The following TRMO variants were observed in gnomAD, a reference collection of about 807,000 sequenced individuals.
TRMO encodes the protein tRNA methyltransferase O, also known as tRNA (adenine(37)-N6)-methyltransferase.
Under a neutral mutation model 37.2 loss-of-function variants are expected in TRMO, and 30 were observed. That is an observed-to-expected ratio of 0.81 (90% CI 0.60 to 1.09). The LOEUF (loss-of-function observed/expected upper bound fraction) is 1.09, where lower values mean the gene tolerates loss of function less well. Ranked by LOEUF, TRMO falls within the 50% of genes least tolerant of loss-of-function variation. TRMO has a pLI of 0.00. For missense variants in TRMO, 552 were observed against 549.5 expected (o/e 1.00, Z -0.05); for synonymous variants, 239 against 199.4 (o/e 1.20, Z -1.67).
At chr9:97,901,365 A>T (rs941469708), downstream of TRMO, among the ~76,000 whole-genome samples, 2 of 152,266 alleles carry the variant, frequency 1.3e-5, no homozygotes, top group African/African-American at 4.8e-5. Context: ...TAAAGGACCA[A>T]GAATCAAGCA....
At chr9:97,898,858 T>TTTTTTTTTG in the TRMO span, among the ~76,000 whole-genome samples, 1 of 144,366 alleles carries the variant, frequency 6.9e-6, no homozygotes, top group Non-Finnish European at 1.5e-5. Context: ...TTTTTTTTTT[T>TTTTTTTTTG]AGATGGAGAC....
chr9:97,909,460 T>C (rs373992312), intron 4 of TRMO, among the ~76,000 whole-genome samples: 1 of 152,190 alleles, frequency 6.6e-6, no homozygotes, highest in African/African-American at 2.4e-5. Flanking sequence ...TGGGACTTTG[T>C]TGGGGCAAGT....
At chr9:97,903,555 T>C (rs1825732184), downstream of TRMO, among the ~76,000 whole-genome samples, 1 of 152,230 alleles carries the variant, frequency 6.6e-6, no homozygotes, top group African/African-American at 2.4e-5. Context: ...TCCTCAGTTA[T>C]CTGGGAGCAC....
At chr9:97,912,732 T>C (rs745653521) in intron 3 of TRMO, 92 of 367,020 alleles carry the variant, frequency 2.5e-4, no homozygotes, top group Non-Finnish European at 4.1e-4. Context: ...GAATGGTCTC[T>C]TGACTCCTAG....
chr9:97,913,442 T>C lies in TRMO; in HGVS notation c.368A>G (p.Asn123Ser), dbSNP rs141236958. The change falls in exon 3 of 5, where the codon AAT (asparagine) becomes AGT (serine). Residue 123 changes from asparagine (N) to serine (S), a missense_variant. Physicochemically the swap from Asn to Ser is conservative, Grantham distance 46. Coordinates refer to ENST00000375119, the MANE Select transcript of TRMO (RefSeq NM_016481.5). ...VFSTRSPHRP[N>S]AIGLTLAKLE... ...CTTGGCCAGGGTCAGTCCTATTGCA[T>C]TGGGACGATGAGGGCTCCTTGTGGA... 129 of 1,613,826 alleles carry C rather than the reference T, an allele frequency of 8.0e-5. No individual in the cohort carries two copies. Among genetic ancestry groups the C allele is most frequent in the African/African-American group, 4.4e-4 (33 of 75,010 alleles).
At chr9:97,916,091 C>T in intron 2 of TRMO, 73 bp downstream of exon 2, 1 of 1,157,356 alleles carries the variant, frequency 8.6e-7, no homozygotes, top group Non-Finnish European at 1.2e-6. Flanking sequence ...TCCAAGGTTG[C>T]CTTCAACTAG....
intron 3 of TRMO, 177 bp from the exon 4 acceptor site, chr9:97,910,793 C>T: frequency 2.9e-6 from 2 of 699,686 alleles, no homozygotes; most frequent in Non-Finnish European, 4.7e-6. Flanking sequence ...ATCCTCTTCT[C>T]TACCTATCAA....
chr9:97,915,963 C>T (rs1417010096), intron 2 of TRMO, among the ~76,000 whole-genome samples: 1 of 152,134 alleles, frequency 6.6e-6, no homozygotes, highest in Non-Finnish European at 1.5e-5. Flanking sequence ...ATACCTTGAG[C>T]TCGGGAGGCA....
chr9:97,909,523 G>A (rs1826011065), intron 4 of TRMO, among the ~76,000 whole-genome samples: 1 of 152,182 alleles, frequency 6.6e-6, no homozygotes, highest in South Asian at 2.1e-4. Context: ...AGTCCTCTGT[G>A]CCAGAGGCTG....
intron 1 of TRMO, among the ~76,000 whole-genome samples, chr9:97,919,451 A>AGG: frequency 1.3e-5 from 1 of 75,954 alleles, no homozygotes; most frequent in Non-Finnish European, 3.7e-5. Flanking sequence ...AAGAAAGGAA[A>AGG]GAAAAGAAAA....
intron 4 of TRMO, among the ~76,000 whole-genome samples, chr9:97,908,187 G>C (rs1051313349): frequency 1.3e-5 from 2 of 152,048 alleles, no homozygotes; most frequent in Non-Finnish European, 2.9e-5. Context: ...CCAAGGCGGG[G>C]GAATCACAAG....
downstream of TRMO, among the ~76,000 whole-genome samples, chr9:97,899,645 G>C (rs971052499): frequency 2.0e-5 from 3 of 152,100 alleles, no homozygotes; most frequent in African/African-American, 7.2e-5. Context: ...CAGCACTTTA[G>C]GAGGCCGAGG....
Position 97,916,193 on chromosome 9 carries a change from C to A in TRMO, c.222G>T (p.Leu74Phe). The change falls in exon 2 of 5, where the codon TTG becomes TTT. Residue 74 changes from leucine (L) to phenylalanine (F), a missense_variant. Physicochemically the swap from Leu to Phe is conservative, Grantham distance 22. Transcript: ENST00000375119. ...CATGAGAAAACTGTTCTAGGCCCAT[C>A]AAGGAATGTTCAGGATTATTAAAGA... ...KRIFNNPEHS[L>F]MGLEQFSHVW... 1 of 1,611,596 alleles carries A rather than the reference C, an allele frequency of 6.2e-7. No individual in the cohort carries two copies. Among genetic ancestry groups the A allele is most frequent in the South Asian group, 1.1e-5 (1 of 90,422 alleles).
chr9:97,921,911 T>C (rs1478936224), intron 1 of TRMO, among the ~76,000 whole-genome samples: 1 of 152,202 alleles, frequency 6.6e-6, no homozygotes, highest in Admixed American at 6.5e-5. Context: ...TTCCATTTGC[T>C]TTCCAGTTTC....
chr9:97,920,980 C>A (rs1407614780), intron 1 of TRMO, among the ~76,000 whole-genome samples: 1 of 152,236 alleles, frequency 6.6e-6, no homozygotes, highest in Non-Finnish European at 1.5e-5. Flanking sequence ...ACACTTTAGA[C>A]TTCTAGCTCC....
intron 4 of TRMO, among the ~76,000 whole-genome samples, chr9:97,906,981 A>G (rs577022938): frequency 6.6e-6 from 1 of 152,352 alleles, no homozygotes; most frequent in African/African-American, 2.4e-5. Flanking sequence ...TTGTTCCACC[A>G]TAAAATCCTT....
chr9:97,906,308 G>A (rs1200036502), intron 4 of TRMO, among the ~76,000 whole-genome samples: 1 of 152,104 alleles, frequency 6.6e-6, no homozygotes, highest in South Asian at 2.1e-4. Context: ...GCCTCTGCTT[G>A]GCCGTTTATC....
rs1224088223 is a variant in TRMO, at chr9:97,904,803, C to G, written c.1256G>C (p.Arg419Thr). 3.7e-6 allele frequency: 6 copies of G among 1,614,054 alleles called. No homozygotes were observed. In the Admixed American group the frequency reaches 1.0e-4, roughly 27 times the overall value. Reference sequence around the variant, plus strand: ...AACAGGCTCAGAAGCCGGCTTGATCCTCAGCACCTCTGCAAAGCCATCACC... The same window carrying G: ...AACAGGCTCAGAAGCCGGCTTGATCGTCAGCACCTCTGCAAAGCCATCACC... ...WFGDGFAEVL[R>T]IKPASEPVHM... Residue 419 changes from arginine to threonine, a missense_variant, in exon 5 of 5, where the codon AGG (arginine) becomes ACG (threonine). Arg to Thr is a moderately conservative substitution (Grantham distance 71). Transcript: ENST00000375119.
rs1451571939 is a variant in TRMO, at chr9:97,922,439, C to A, written c.55G>T (p.Val19Phe). Residue 19 changes from valine to phenylalanine, a missense_variant, in exon 1 of 5, where the codon GTT (valine) becomes TTT (phenylalanine). Val to Phe is a conservative substitution (Grantham distance 50, BLOSUM62 -1). Transcript: ENST00000375119. ...PRPTATPCGC[V>F]KPALETGNLL... Reference sequence around the variant, plus strand: ...TTACCTGTCTCCAGAGCCGGCTTAACGCAGCCGCACGGGGTCGCTGTAGGC... The same window carrying A: ...TTACCTGTCTCCAGAGCCGGCTTAAAGCAGCCGCACGGGGTCGCTGTAGGC... The A allele has an allele frequency of 6.3e-7, 1 of 1,586,338 alleles. No individual in the cohort carries two copies. Among genetic ancestry groups the A allele is most frequent in the South Asian group, 1.1e-5 (1 of 87,202 alleles).
Sources: gnomAD v4.1 joint callset for allele counts (sites outside exome capture counted in the v4.1 genomes callset) on GRCh38, gnomAD v4.1.1 for gene constraint, MANE v1.5 for transcripts, NCBI Gene and HGNC (gene_info 2026-07-23, HGNC 2026-07-21) for gene names.